PHEX: variants seen among roughly 807,000 people sequenced by gnomAD.
The protein encoded by PHEX is phosphate regulating endopeptidase X-linked, also known as phosphate-regulating neutral endopeptidase PHEX.
In PHEX, 16 loss-of-function variants were observed where a neutral mutation model predicts 68.0. The ratio of observed to expected loss-of-function variants is 0.24; its 90% CI spans 0.16 to 0.36. PHEX has a LOEUF of 0.36. PHEX is among the 10% of genes least tolerant of loss of function. The probability of loss-of-function intolerance (pLI) is 1.00; values close to 1 mark genes in which losing one functional copy is unlikely to be tolerated. For synonymous variants in PHEX, 208 were observed against 205.1 expected, an observed-to-expected ratio of 1.01 and a Z score of -0.12; for missense variants, 480 against 575.5, an observed-to-expected ratio of 0.83 and a Z score of 1.70.
chrX:22,199,050 C>A (rs1298109207), intron 15 of PHEX, among the ~76,000 whole-genome samples: 1 of 111,559 alleles, frequency 9.0e-6, no homozygotes, highest in Admixed American at 9.5e-5. Context: ...TGGGAACAAC[C>A]TGCCCCTATG....
chrX:22,039,223 C>T (rs1024746544), intron 2 of PHEX, among the ~76,000 whole-genome samples: 3 of 112,713 alleles, frequency 2.7e-5, no homozygotes, highest in African/African-American at 9.7e-5. Flanking sequence ...CCCGCCTTGG[C>T]CTCCCAAAGT....
intron 2 of PHEX, among the ~76,000 whole-genome samples, chrX:22,040,205 C>T (rs1239205748): frequency 2.7e-5 from 3 of 112,263 alleles, no homozygotes; most frequent in African/African-American, 9.7e-5. Flanking sequence ...AAGCATGTGG[C>T]CCTTTCACTT....
chrX:22,244,144 G>T (rs146297512), intron 20 of PHEX, among the ~76,000 whole-genome samples: 2,275 of 111,418 alleles, frequency 0.02, 27 homozygotes, highest in Non-Finnish European at 0.033. Flanking sequence ...GGACATGGAT[G>T]AAGCTGGAAG....
At chrX:22,060,586 G>T (rs374956175) in intron 3 of PHEX, among the ~76,000 whole-genome samples, 2 of 111,860 alleles carry the variant, frequency 1.8e-5, no homozygotes, top group East Asian at 5.6e-4. Flanking sequence ...GGGAATATTG[G>T]CTGAAAAAAA....
intron 1 of PHEX, among the ~76,000 whole-genome samples, chrX:22,036,864 G>A (rs996147249): frequency 9.2e-6 from 1 of 108,905 alleles, no homozygotes; most frequent in Admixed American, 1.0e-4. Flanking sequence ...TTGGGAGGTC[G>A]AGGCGGGCGG....
chrX:22,099,223 A>G, intron 9 of PHEX, 72 bp downstream of exon 9: 1 of 956,373 alleles, frequency 1.0e-6, no homozygotes, highest in South Asian at 1.9e-5. Flanking sequence ...CCCTTCTCAC[A>G]TCCTTTGAAA....
At chrX:22,245,432 G>C in intron 21 of PHEX, 23 bp downstream of exon 21, 1 of 1,083,491 alleles carries the variant, frequency 9.2e-7, no homozygotes, top group Non-Finnish European at 1.3e-6. Context: ...ATGGGTGACG[G>C]CAGTTTTTAA....
intron 6 of PHEX, among the ~76,000 whole-genome samples, chrX:22,093,661 T>A (rs763925445): frequency 1.8e-5 from 2 of 112,191 alleles, no homozygotes; most frequent in South Asian, 7.5e-4. Context: ...AGTCTGACCT[T>A]TAACTTTCTA....
At chrX:22,201,874 C>T (rs775277622) in intron 15 of PHEX, among the ~76,000 whole-genome samples, 1 of 111,255 alleles carries the variant, frequency 9.0e-6, no homozygotes, top group East Asian at 2.8e-4. Flanking sequence ...GACCTAAAAA[C>T]CAGCCATGGG....
chrX:22,069,699 G>A (rs1238967645), intron 3 of PHEX, among the ~76,000 whole-genome samples: 1 of 111,465 alleles, frequency 9.0e-6, no homozygotes, highest in Non-Finnish European at 1.9e-5. Flanking sequence ...TATTTAGGTG[G>A]GAGTTTTCTA....
intron 5 of PHEX, among the ~76,000 whole-genome samples, chrX:22,079,693 C>T: frequency 9.0e-6 from 1 of 111,079 alleles, no homozygotes; most frequent in Non-Finnish European, 1.9e-5. Context: ...AAGGGATCCC[C>T]CTATTTTTGT....
At chrX:22,134,416 C>G in intron 12 of PHEX, among the ~76,000 whole-genome samples, 1 of 111,980 alleles carries the variant, frequency 8.9e-6, no homozygotes, top group Non-Finnish European at 1.9e-5. Flanking sequence ...CATGGCAAAA[C>G]CCCATCTCTG....
chrX:22,106,615 C>CA (rs1260650888), intron 9 of PHEX, among the ~76,000 whole-genome samples: 13 of 107,616 alleles, frequency 1.2e-4, no homozygotes, highest in Admixed American at 3.0e-4. Flanking sequence ...ACCAAAAATA[C>CA]AAAAAAAAAT....
At chrX:22,108,361 G>T (rs1930795959) in intron 9 of PHEX, among the ~76,000 whole-genome samples, 2 of 111,050 alleles carry the variant, frequency 1.8e-5, no homozygotes, top group African/African-American at 6.6e-5. Context: ...CAGAAGCAGG[G>T]AGGGTAGGAA....
intron 11 of PHEX, among the ~76,000 whole-genome samples, chrX:22,132,140 C>T (rs1323529203): frequency 9.0e-6 from 1 of 111,677 alleles, no homozygotes; most frequent in Non-Finnish European, 1.9e-5. Flanking sequence ...CACTCTGTCA[C>T]CCAGGCTGAA....
At chrX:22,134,992 T>A (rs1217043931) in intron 12 of PHEX, among the ~76,000 whole-genome samples, 1 of 112,176 alleles carries the variant, frequency 8.9e-6, no homozygotes, top group Non-Finnish European at 1.9e-5. Context: ...TGAGAACACG[T>A]AGAGTTTTAG....
chrX:22,118,382 A>G (rs1006781216), intron 11 of PHEX, among the ~76,000 whole-genome samples: 16 of 106,733 alleles, frequency 1.5e-4, no homozygotes, highest in Admixed American at 1.4e-3. Context: ...GTGACTCACA[A>G]GAGCAGGCCA....
chrX:22,039,249 A>G (rs1465358532), intron 2 of PHEX, among the ~76,000 whole-genome samples: 2 of 112,866 alleles, frequency 1.8e-5, no homozygotes, highest in African/African-American at 6.4e-5. Context: ...GATTACAGGC[A>G]AGAGCCACTG....
intron 12 of PHEX, among the ~76,000 whole-genome samples, chrX:22,142,553 T>A (rs1324054880): frequency 8.9e-6 from 1 of 112,126 alleles, no homozygotes. Context: ...TTATTATGAA[T>A]GGACATGCTC....
Sources: allele counts gnomAD v4.1 joint callset (sites outside exome capture counted in the v4.1 genomes callset), GRCh38; gene constraint gnomAD v4.1.1; transcripts MANE v1.5; gene names NCBI Gene and HGNC (gene_info 2026-07-23, HGNC 2026-07-21).